The following ITCH variants were observed in gnomAD, a reference collection of about 807,000 sequenced individuals.
ITCH encodes the protein itchy E3 ubiquitin protein ligase.
Under a neutral mutation model 126.8 loss-of-function variants are expected in ITCH, and 28 were observed. The ratio of observed to expected loss-of-function variants is 0.22; its 90% CI spans 0.16 to 0.30. ITCH has a LOEUF of 0.30. ITCH is among the 10% of genes least tolerant of loss of function. The pLI is 1.00. For synonymous variants in ITCH, 342 were observed against 340.0 expected (o/e 1.01, Z -0.06); for missense variants, 631 against 1,032.4 (o/e 0.61, Z 5.33).
chr20:34,443,006 C>G (rs1403020183), intron 10 of ITCH, among the ~76,000 whole-genome samples: 14 of 151,014 alleles, frequency 9.3e-5, no homozygotes, highest in Middle Eastern at 3.4e-3. Context: ...CTTAACTTTT[C>G]TTGTCTAAGC....
intron 2 of ITCH, 68 bp from the exon 3 acceptor site, chr20:34,393,723 T>C: frequency 1.1e-6 from 1 of 906,628 alleles, no homozygotes; most frequent in Non-Finnish European, 1.9e-6. Flanking sequence ...ATAGCCAGGT[T>C]AGCACTATTT....
chr20:34,413,849 G>A lies in ITCH; in HGVS notation c.445G>A (p.Val149Ile). 1 of 1,613,616 alleles carries A rather than the reference G, an allele frequency of 6.2e-7. No individual in the cohort carries two copies. Among genetic ancestry groups the A allele is most frequent in the Non-Finnish European group, 8.5e-7 (1 of 1,179,626 alleles). The change falls in exon 6 of 25, where the codon GTT becomes ATT. Residue 149 changes from valine (V) to isoleucine (I), a missense_variant. Coordinates refer to ENST00000374864, the MANE Select transcript of ITCH (RefSeq NM_031483.7). The stretch of plus-strand genomic sequence containing the variant: ...TGGGCTACAGTTAGAGTCTGAAGTT[G>A]TTACCAATGGTGAAACTACATGTTC... ...LDGLQLESEVVTNGETTCSES... is the reference protein window; with the variant it reads ...LDGLQLESEVITNGETTCSES...
Position 34,363,342 on chromosome 20 carries a change from G to A in ITCH, c.-106G>A, listed in dbSNP as rs528320292. 2.5e-4 allele frequency: 38 copies of A among 152,486 alleles called. No homozygotes were observed. Among genetic ancestry groups the A allele is most frequent in the Non-Finnish European group, 5.1e-4 (35 of 68,080 alleles). 9.4% of individuals were successfully genotyped at this position (152,486 alleles called of 1,614,324 possible). On this transcript the variant is annotated 5_prime_UTR_variant, in exon 1 of 25. Coordinates refer to ENST00000374864, the MANE Select transcript of ITCH (RefSeq NM_031483.7). ...GGGACTGAGGAGTCGCCGCCGCCCC[G>A]AGTCCCGGTAAACCCCCGTGGGCGA...
At chr20:34,445,142 T>G (rs1984278089) in intron 10 of ITCH, 145 bp from the exon 11 acceptor site, 2 of 916,096 alleles carry the variant, frequency 2.2e-6, no homozygotes, top group East Asian at 2.6e-5. Flanking sequence ...TTAGAAACAT[T>G]TCTCTTAAGT....
chr20:34,424,097 G>C (rs747600266), intron 6 of ITCH, among the ~76,000 whole-genome samples: 2 of 152,106 alleles, frequency 1.3e-5, no homozygotes, highest in African/African-American at 2.4e-5. Flanking sequence ...TCTGTTTCTG[G>C]AATCGATTTT....
intron 3 of ITCH, among the ~76,000 whole-genome samples, chr20:34,400,826 T>G (rs187018861): frequency 2.0e-3 from 301 of 151,998 alleles, no homozygotes; most frequent in African/African-American, 6.7e-3. Context: ...GACTTGATCT[T>G]GGCTCACTGC....
Position 34,399,402 on chromosome 20 carries a change from T to C in ITCH, c.70+5521T>C, listed in dbSNP as rs546012108. ...AGTGAAACTGTCTCAAAAAAATAAA[T>C]AAATAAAATAAAAATAAACAAATGT... On this transcript the variant is annotated intron_variant, in intron 3 of 24. Transcript: ENST00000374864. Among the ~76,000 whole-genome samples, 697 of 151,700 alleles carry C rather than the reference T, an allele frequency of 4.6e-3. 7 individuals are homozygous for C. The highest frequency in any genetic ancestry group is 0.016 in the African/African-American group (682 of 41,384).
intron 10 of ITCH, among the ~76,000 whole-genome samples, chr20:34,442,711 C>T (rs979317448): frequency 3.5e-4 from 53 of 151,442 alleles, no homozygotes; most frequent in South Asian, 6.3e-4. Context: ...CAGTGGCTCA[C>T]GCCTGTAATC....
At chr20:34,382,609 T>C (rs1256182770) in intron 2 of ITCH, among the ~76,000 whole-genome samples, 1 of 152,058 alleles carries the variant, frequency 6.6e-6, no homozygotes, top group Non-Finnish European at 1.5e-5. Context: ...GGTTTCACCA[T>C]GTTGGCCAGG....
intron 12 of ITCH, among the ~76,000 whole-genome samples, chr20:34,450,349 G>A (rs986742121): frequency 5.3e-5 from 8 of 152,174 alleles, no homozygotes; most frequent in Non-Finnish European, 1.2e-4. Context: ...AAGGTTCAGA[G>A]TTTGGTTAAG....
intron 22 of ITCH, among the ~76,000 whole-genome samples, chr20:34,490,587 A>C (rs1989442716): frequency 6.6e-6 from 1 of 152,168 alleles, no homozygotes; most frequent in Non-Finnish European, 1.5e-5. Context: ...AGGTTGCAGT[A>C]AGCCAAGTTC....
In ITCH at chr20:34,385,140, G is replaced by A. The variant is rs151038933; in HGVS notation, c.-21-8651G>A. ...AGCCATTCTCCTGCCTCAGCCTACCGAGGAGCTGGGACCACAGTAGGCACA... is the reference window on the plus strand; with the variant it reads ...AGCCATTCTCCTGCCTCAGCCTACCAAGGAGCTGGGACCACAGTAGGCACA... On this transcript the variant is annotated intron_variant, in intron 2 of 24. Transcript: ENST00000374864. Among the ~76,000 whole-genome samples, 516 of 150,448 alleles carry A rather than the reference G, an allele frequency of 3.4e-3. 2 individuals carry two copies. The highest frequency in any genetic ancestry group is 0.012 in the African/African-American group (490 of 40,876).
chr20:34,395,009 A>G (rs555968121), intron 3 of ITCH, among the ~76,000 whole-genome samples: 23 of 152,172 alleles, frequency 1.5e-4, no homozygotes, highest in African/African-American at 5.5e-4. Context: ...AGGTGGGCAG[A>G]TCACCTGAGA....
At chr20:34,477,458 A>C (rs1355155087) in intron 16 of ITCH, among the ~76,000 whole-genome samples, 1 of 152,174 alleles carries the variant, frequency 6.6e-6, no homozygotes, top group East Asian at 1.9e-4. Flanking sequence ...TGAACCTGGG[A>C]GGTGGAGGTG....
intron 2 of ITCH, among the ~76,000 whole-genome samples, chr20:34,381,327 G>C (rs2038053710): frequency 6.6e-6 from 1 of 151,912 alleles, no homozygotes; most frequent in Non-Finnish European, 1.5e-5. Flanking sequence ...CTGTTGCCCA[G>C]GCTGGAGTGT....
At chr20:34,457,325 C>T (rs1986101037) in intron 12 of ITCH, 65 bp from the exon 13 acceptor site, 2 of 1,051,264 alleles carry the variant, frequency 1.9e-6, no homozygotes, top group African/African-American at 3.1e-5. Context: ...TTTTATTTTA[C>T]CTTGAGCAAG....
At chr20:34,484,954 C>A (rs180988406) in intron 20 of ITCH, among the ~76,000 whole-genome samples, 1 of 152,172 alleles carries the variant, frequency 6.6e-6, no homozygotes, top group Non-Finnish European at 1.5e-5. Flanking sequence ...CTTCTCCCAG[C>A]CCCAGAGGTA....
chr20:34,443,544 T>G (rs1404470641), intron 10 of ITCH, among the ~76,000 whole-genome samples: 3 of 152,038 alleles, frequency 2.0e-5, no homozygotes, highest in African/African-American at 7.2e-5. Context: ...GAAAAAATAT[T>G]TTTTAATCCA....
intron 12 of ITCH, among the ~76,000 whole-genome samples, chr20:34,456,157 ATTGT>A (rs1355088782): frequency 1.2e-5 from 1 of 83,804 alleles, no homozygotes; most frequent in Non-Finnish European, 2.5e-5. Flanking sequence ...ATTTTTATAT[ATTGT>A]GTGTGTGTGT....
Sources: allele counts gnomAD v4.1 joint callset (sites outside exome capture counted in the v4.1 genomes callset), GRCh38; gene constraint gnomAD v4.1.1; transcripts MANE v1.5; gene names NCBI Gene and HGNC (gene_info 2026-07-23, HGNC 2026-07-21).